THSD7B: variants seen among roughly 807,000 people sequenced by gnomAD.
THSD7B encodes thrombospondin type 1 domain containing 7B, also known as thrombospondin type-1 domain-containing protein 7B.
Under a neutral mutation model 213.6 loss-of-function variants are expected in THSD7B, and 138 were observed. The observed-to-expected ratio is 0.65, with a 90% confidence interval of 0.56 to 0.74. THSD7B has a LOEUF of 0.74. Among genes scored for constraint, THSD7B ranks in the 30% least tolerant of loss-of-function variants. The pLI, the probability that THSD7B is intolerant of heterozygous loss-of-function variation, is 0.00. For synonymous variants in THSD7B, 742 were observed against 687.0 expected (o/e 1.08, Z -1.25); for missense variants, 1,931 against 1,991.5 (o/e 0.97, Z 0.58).
intron 2 of THSD7B, among the ~76,000 whole-genome samples, chr2:137,045,920 T>C (rs1386381253): frequency 6.6e-6 from 1 of 152,162 alleles, no homozygotes; most frequent in Non-Finnish European, 1.5e-5. Context: ...AAAAATTCTG[T>C]TGGGCACCAT....
chr2:137,032,483 G>T (rs1051007178), intron 2 of THSD7B, among the ~76,000 whole-genome samples: 1 of 152,116 alleles, frequency 6.6e-6, no homozygotes, highest in African/African-American at 2.4e-5. Context: ...AAAGGAACAG[G>T]CATCTCCAGC....
chr2:136,798,094 A>G (rs1200683438), intron 1 of THSD7B, among the ~76,000 whole-genome samples: 1 of 151,768 alleles, frequency 6.6e-6, no homozygotes, highest in African/African-American at 2.4e-5. Context: ...GGCCCTTACA[A>G]TCAAGGATGC....
intron 12 of THSD7B, among the ~76,000 whole-genome samples, chr2:137,322,196 C>T (rs557070882): frequency 1.3e-5 from 2 of 152,322 alleles, no homozygotes; most frequent in South Asian, 4.1e-4. Context: ...ATAATTTAAG[C>T]TCTAATCTCA....
chr2:136,830,212 CAG>C (rs1440692877), intron 1 of THSD7B, among the ~76,000 whole-genome samples: 1 of 152,082 alleles, frequency 6.6e-6, no homozygotes, highest in Non-Finnish European at 1.5e-5. Flanking sequence ...CCTGAAAAAT[CAG>C]AGTCTCAGTA....
intron 17 of THSD7B, among the ~76,000 whole-genome samples, chr2:137,602,369 A>T (rs747376857): frequency 1.3e-5 from 2 of 151,864 alleles, no homozygotes; most frequent in Non-Finnish European, 2.9e-5. Flanking sequence ...TCCCAGATTC[A>T]AGCGATTCCC....
chr2:137,175,234 C>T (rs574883478), intron 7 of THSD7B, among the ~76,000 whole-genome samples: 8 of 152,232 alleles, frequency 5.3e-5, no homozygotes, highest in African/African-American at 1.7e-4. Flanking sequence ...GAGCACTCAC[C>T]CATAACTTTT....
intron 1 of THSD7B, among the ~76,000 whole-genome samples, chr2:136,790,107 T>TTGTGTGTGTGTTTGTGTGTGTGTG (rs1414701825): frequency 1.3e-5 from 2 of 149,524 alleles, no homozygotes; most frequent in African/African-American, 4.9e-5. Context: ...CTTTCCTGGT[T>TTGTGTGTGTGTTTGTGTGTGTGTG]TGTGTGTGTG....
chr2:137,518,043 T>C (rs1211456206), intron 15 of THSD7B, among the ~76,000 whole-genome samples: 1 of 151,588 alleles, frequency 6.6e-6, no homozygotes, highest in Non-Finnish European at 1.5e-5. Flanking sequence ...TGGGCTTCCA[T>C]CAAATGGAAG....
intron 2 of THSD7B, among the ~76,000 whole-genome samples, chr2:137,004,556 G>T (rs1434123697): frequency 6.6e-6 from 1 of 152,156 alleles, no homozygotes; most frequent in Non-Finnish European, 1.5e-5. Flanking sequence ...CTGCTTATCT[G>T]ACTCAGGTAA....
At chr2:136,814,393 A>G (rs983855328) in intron 1 of THSD7B, among the ~76,000 whole-genome samples, 1 of 151,000 alleles carries the variant, frequency 6.6e-6, no homozygotes, top group East Asian at 1.9e-4. Flanking sequence ...TTTTCTTTTT[A>G]TTTTATTATT....
chr2:137,546,749 CT>C (rs1680749140), intron 15 of THSD7B, among the ~76,000 whole-genome samples: 1 of 151,036 alleles, frequency 6.6e-6, no homozygotes. Context: ...AATATGCCCA[CT>C]TTATATAAAT....
At chr2:137,570,378 G>A (rs182388401) in intron 16 of THSD7B, among the ~76,000 whole-genome samples, 1 of 151,750 alleles carries the variant, frequency 6.6e-6, no homozygotes, top group African/African-American at 2.4e-5. Context: ...GCGTGATCTC[G>A]GCTCACTGCA....
Position 137,655,689 on chromosome 2 carries a change from T to C in THSD7B, c.4105+29T>C, listed in dbSNP as rs766163598. On this transcript the variant is annotated intron_variant, in intron 22 of 27. Transcript: ENST00000409968. ...TGCAATGCTAGTGATTGGGAGCGCC[T>C]CCCATGGTGATCTTTTTGTTTATTT... 6 of 1,597,666 alleles carry C rather than the reference T, an allele frequency of 3.8e-6. No homozygotes were observed. The Admixed American group carries it at 5.2e-5, about 14-fold the overall frequency.
At chr2:137,474,809 A>G (rs1166744699) in intron 15 of THSD7B, among the ~76,000 whole-genome samples, 2 of 152,194 alleles carry the variant, frequency 1.3e-5, no homozygotes, top group African/African-American at 4.8e-5. Context: ...AATAGTTTCT[A>G]TCTTATGTAA....
At chr2:136,873,468 T>G (rs544363188) in intron 1 of THSD7B, among the ~76,000 whole-genome samples, 52 of 152,322 alleles carry the variant, frequency 3.4e-4, no homozygotes, top group African/African-American at 1.2e-3. Context: ...GAGGTTGTTC[T>G]CTCATAAAAT....
At chr2:137,367,564 C>A (rs1685449667) in intron 12 of THSD7B, among the ~76,000 whole-genome samples, 1 of 152,138 alleles carries the variant, frequency 6.6e-6, no homozygotes. Flanking sequence ...TCTGAGTTCC[C>A]TTCCAGCTTT....
chr2:137,062,533 C>T (rs1378631014), intron 3 of THSD7B, among the ~76,000 whole-genome samples: 1 of 151,588 alleles, frequency 6.6e-6, no homozygotes, highest in Non-Finnish European at 1.5e-5. Context: ...TCATGTAGTT[C>T]TAAATATTTT....
At chr2:137,024,306 A>G (rs1686502633) in intron 2 of THSD7B, among the ~76,000 whole-genome samples, 1 of 152,100 alleles carries the variant, frequency 6.6e-6, no homozygotes. Flanking sequence ...TCTTTCTCAG[A>G]AAGTGTGAGC....
chr2:136,953,209 G>A (rs1408934047), intron 2 of THSD7B, among the ~76,000 whole-genome samples: 1 of 152,126 alleles, frequency 6.6e-6, no homozygotes, highest in East Asian at 1.9e-4. Flanking sequence ...ACAAAGGGAT[G>A]GGCAGCAGAG....
Sources: gnomAD v4.1 joint callset for allele counts (sites outside exome capture counted in the v4.1 genomes callset) on GRCh38, gnomAD v4.1.1 for gene constraint, MANE v1.5 for transcripts, NCBI Gene and HGNC (gene_info 2026-07-23, HGNC 2026-07-21) for gene names.